CCDC178: variants seen among roughly 807,000 people sequenced by gnomAD.
CCDC178 encodes the protein coiled-coil domain containing 178.
A neutral mutation model predicts 117.4 loss-of-function variants in CCDC178; 126 were observed. The ratio of observed to expected loss-of-function variants is 1.07; its 90% CI spans 0.93 to 1.24. The LOEUF (loss-of-function observed/expected upper bound fraction) is 1.24. Among genes scored for constraint, CCDC178 ranks in the 50% most tolerant of loss-of-function variants. CCDC178 has a pLI of 0.00. For synonymous variants in CCDC178, 283 were observed against 313.4 expected, an observed-to-expected ratio of 0.90 and a Z score of 1.02; for missense variants, 1,030 against 986.9, an observed-to-expected ratio of 1.04 and a Z score of -0.59.
At chr18:33,074,439 T>A (rs2057168819) in intron 21 of CCDC178, among the ~76,000 whole-genome samples, 1 of 152,154 alleles carries the variant, frequency 6.6e-6, no homozygotes. Flanking sequence ...AGTATCAATT[T>A]CTGTGTTTGG....
At chr18:32,941,671 C>G (rs1256254700) in intron 22 of CCDC178, among the ~76,000 whole-genome samples, 3 of 152,126 alleles carry the variant, frequency 2.0e-5, no homozygotes, top group Non-Finnish European at 4.4e-5. Context: ...TGACACTTGA[C>G]TGAATGCCAA....
chr18:33,033,498 T>C (rs1434285335), intron 21 of CCDC178, among the ~76,000 whole-genome samples: 1 of 152,062 alleles, frequency 6.6e-6, no homozygotes, highest in Non-Finnish European at 1.5e-5. Flanking sequence ...ACCTCGCCTG[T>C]CTCCTTGAGG....
intron 14 of CCDC178, among the ~76,000 whole-genome samples, chr18:33,255,409 G>C (rs1194374604): frequency 6.6e-6 from 1 of 152,068 alleles, no homozygotes. Flanking sequence ...CTGGTAGGGA[G>C]CCTATGAAAT....
At chr18:33,075,447 C>T (rs762426814) in intron 21 of CCDC178, among the ~76,000 whole-genome samples, 74 of 152,146 alleles carry the variant, frequency 4.9e-4, no homozygotes, top group Non-Finnish European at 6.3e-4. Flanking sequence ...AAGGTAAATG[C>T]TTGAGGGTAT....
chr18:33,227,134 G>A (rs549340060), intron 15 of CCDC178, among the ~76,000 whole-genome samples: 72 of 152,058 alleles, frequency 4.7e-4, no homozygotes, highest in Admixed American at 1.5e-3. Flanking sequence ...AGTGAAACAA[G>A]GTAGTCATCA....
intron 3 of CCDC178, among the ~76,000 whole-genome samples, chr18:33,406,640 TG>T (rs2063784841): frequency 6.6e-6 from 1 of 152,080 alleles, no homozygotes; most frequent in Admixed American, 6.6e-5. Context: ...TCCATAAGGA[TG>T]ATCTTATAGA....
chr18:33,189,126 G>A (rs1360665966), intron 20 of CCDC178, among the ~76,000 whole-genome samples: 2 of 152,052 alleles, frequency 1.3e-5, no homozygotes, highest in Non-Finnish European at 2.9e-5. Flanking sequence ...TTTCTTTGGG[G>A]TATCAGTTAG....
chr18:33,035,604 G>T (rs183039547), intron 21 of CCDC178, among the ~76,000 whole-genome samples: 1 of 151,916 alleles, frequency 6.6e-6, no homozygotes, highest in African/African-American at 2.4e-5. Context: ...AATGTGTTTC[G>T]CAGGGGCTGG....
chr18:33,334,016 C>G (rs1449924343), intron 9 of CCDC178, among the ~76,000 whole-genome samples: 1 of 151,734 alleles, frequency 6.6e-6, no homozygotes, highest in South Asian at 2.1e-4. Context: ...AGAGTAGAGG[C>G]CTTCCAAAAC....
chr18:33,157,514 G>T (rs976494848), intron 20 of CCDC178, among the ~76,000 whole-genome samples: 2 of 152,042 alleles, frequency 1.3e-5, no homozygotes, highest in Non-Finnish European at 2.9e-5. Context: ...TGTATTTTAA[G>T]TCACTTTTAA....
chr18:33,047,895 A>T (rs1347884138), intron 21 of CCDC178, among the ~76,000 whole-genome samples: 1 of 152,208 alleles, frequency 6.6e-6, no homozygotes, highest in African/African-American at 2.4e-5. Context: ...AACATAAAAG[A>T]TCAACTTGGA....
At chr18:33,293,113 TCAAAA>T (rs1247508234) in intron 12 of CCDC178, 41 bp downstream of exon 12, 6 of 1,373,972 alleles carry the variant, frequency 4.4e-6, no homozygotes, top group Non-Finnish European at 5.9e-6. Context: ...TATTTATAAC[TCAAAA>T]CAAAAATCAG....
At chr18:33,340,253 AC>A (rs1049105545) in intron 9 of CCDC178, among the ~76,000 whole-genome samples, 2 of 152,120 alleles carry the variant, frequency 1.3e-5, no homozygotes, top group African/African-American at 4.8e-5. Context: ...GGAACTTTGA[AC>A]TTGAGAGAGA....
At chr18:33,296,713 C>A (rs2062110305) in intron 11 of CCDC178, among the ~76,000 whole-genome samples, 1 of 152,092 alleles carries the variant, frequency 6.6e-6, no homozygotes, top group Admixed American at 6.6e-5. Flanking sequence ...TGAAAACCTA[C>A]AAGGTATCAG....
intron 22 of CCDC178, among the ~76,000 whole-genome samples, chr18:32,958,468 T>A (rs929980722): frequency 2.0e-5 from 3 of 152,212 alleles, no homozygotes; most frequent in African/African-American, 4.8e-5. Context: ...AGCTATGATA[T>A]GTCTATCAAC....
chr18:33,178,945 C>T (rs754901746), intron 20 of CCDC178, among the ~76,000 whole-genome samples: 7 of 148,680 alleles, frequency 4.7e-5, no homozygotes, highest in Admixed American at 2.7e-4. Flanking sequence ...TCAATGCAGT[C>T]GGCATCATAG....
At position 33,333,108 on chromosome 18, in the gene CCDC178, A is replaced by G. The variant is rs73421859; in HGVS notation, c.879+66T>C. The G allele has an allele frequency of 3.2e-3, 2,885 of 900,816 alleles. 48 individuals are homozygous for G. The African/African-American group carries it at 0.043, about 13-fold the overall frequency. The allele number at this position is 900,816 out of a possible 1,614,324, so 55.8% of individuals were successfully genotyped here. On this transcript the variant is annotated intron_variant, in intron 10 of 22. Coordinates refer to ENST00000383096, the MANE Select transcript of CCDC178 (RefSeq NM_001105528.4). ...ACCTTTAAAGCTGTGTTAATTTCTT[A>G]TGGTTGAAAAGTTTTTGCATAACTA...
chr18:32,974,804 G>A (rs1042991986), intron 21 of CCDC178, 123 bp from the exon 22 acceptor site: 7 of 842,676 alleles, frequency 8.3e-6, no homozygotes, highest in African/African-American at 3.4e-5. Context: ...TGCACTGCAC[G>A]GACCTGACAG....
intron 20 of CCDC178, among the ~76,000 whole-genome samples, chr18:33,189,510 G>A (rs530123561): frequency 4.6e-5 from 7 of 152,096 alleles, no homozygotes; most frequent in African/African-American, 4.8e-5. Flanking sequence ...AGTATTAATG[G>A]TTAGCCCTGT....
Sources: gnomAD v4.1 joint callset for allele counts (sites outside exome capture counted in the v4.1 genomes callset) on GRCh38, gnomAD v4.1.1 for gene constraint, MANE v1.5 for transcripts, NCBI Gene and HGNC (gene_info 2026-07-23, HGNC 2026-07-21) for gene names.